The following STEAP4 variants were observed in gnomAD, a reference collection of about 807,000 sequenced individuals.
STEAP4 encodes the protein STEAP4 metalloreductase.
A neutral mutation model predicts 43.6 loss-of-function variants in STEAP4; 36 were observed. That is an observed-to-expected ratio of 0.83 (90% CI 0.63 to 1.09). The LOEUF (loss-of-function observed/expected upper bound fraction) is 1.09, where lower values mean the gene tolerates loss of function less well. STEAP4 is among the 50% of genes least tolerant of loss of function. The pLI is 0.00. For missense variants in STEAP4, 495 were observed against 546.5 expected (o/e 0.91, Z 0.94); for synonymous variants, 191 against 196.7 (o/e 0.97, Z 0.24).
chr7:88,298,278 CTTTTTAACTGAGTGAGAAT>C (rs1397266114), intron 1 of STEAP4: 1 of 151,830 alleles, frequency 6.6e-6, no homozygotes, highest in Non-Finnish European at 1.5e-5. Context: ...ATTTGTAGCT[CTTTTTAACTGAGTGAGAAT>C]TGGAGAATGT....
chr7:88,303,167 G>T (rs1853066079), intron 1 of STEAP4, among the ~76,000 whole-genome samples: 1 of 132,940 alleles, frequency 7.5e-6, no homozygotes. Flanking sequence ...TGTTAGGATT[G>T]ATCATATAAT....
rs1218093684 is a variant in STEAP4, at chr7:88,272,531, G to A, written c.*6867C>T. ...GGCCTACGTTTGAGCACTGTGCAAA[G>A]TGTGGTCTGCCCGTGGTGCTGGCTT... On this transcript the variant is annotated 3_prime_UTR_variant, in exon 5 of 5. Coordinates refer to ENST00000380079, the MANE Select transcript of STEAP4 (RefSeq NM_024636.4). 1 of 152,220 alleles carries A rather than the reference G, an allele frequency of 6.6e-6. No individual in the cohort carries two copies. Among genetic ancestry groups the A allele is most frequent in the African/African-American group, 2.4e-5 (1 of 41,448 alleles). The allele number at this position is 152,220 out of a possible 1,614,324, so 9.4% of individuals were successfully genotyped here.
chr7:88,292,619 A>G (rs1034314908), intron 1 of STEAP4: 2 of 152,094 alleles, frequency 1.3e-5, no homozygotes, highest in Non-Finnish European at 2.9e-5. Flanking sequence ...GTATATTTCC[A>G]TGTCATTTTA....
intron 1 of STEAP4, among the ~76,000 whole-genome samples, chr7:88,298,684 A>G (rs1852973872): frequency 6.6e-6 from 1 of 152,172 alleles, no homozygotes; most frequent in South Asian, 2.1e-4. Flanking sequence ...GTAGCATGAT[A>G]AATCATCAAC....
At chr7:88,304,842 A>C (rs1046650354) in intron 1 of STEAP4, among the ~76,000 whole-genome samples, 1 of 152,132 alleles carries the variant, frequency 6.6e-6, no homozygotes, top group African/African-American at 2.4e-5. Flanking sequence ...CTTTAAAAGG[A>C]GAATTTATAT....
chr7:88,295,054 G>A (rs2067575704), intron 1 of STEAP4, among the ~76,000 whole-genome samples: 1 of 152,064 alleles, frequency 6.6e-6, no homozygotes, highest in South Asian at 2.1e-4. Flanking sequence ...AATTTTGGAG[G>A]TAATCATTAT....
intron 1 of STEAP4, among the ~76,000 whole-genome samples, chr7:88,285,482 A>C (rs1852715570): frequency 6.6e-6 from 1 of 152,106 alleles, no homozygotes; most frequent in African/African-American, 2.4e-5. Flanking sequence ...AATTTTTATA[A>C]AGCTAAAATA....
At chr7:88,299,693 T>C (rs1281792773) in intron 1 of STEAP4, among the ~76,000 whole-genome samples, 1 of 152,266 alleles carries the variant, frequency 6.6e-6, no homozygotes. Context: ...GTAATTTCAA[T>C]TTTGAATTAA....
chr7:88,280,539 C>T (rs546720352), intron 4 of STEAP4, among the ~76,000 whole-genome samples: 6 of 152,252 alleles, frequency 3.9e-5, no homozygotes, highest in Middle Eastern at 3.4e-3. Flanking sequence ...TTAAGTCTTC[C>T]GGTGTGATGA....
At chr7:88,286,149 A>C (rs1852730509) in intron 1 of STEAP4, among the ~76,000 whole-genome samples, 1 of 152,236 alleles carries the variant, frequency 6.6e-6, no homozygotes, top group South Asian at 2.1e-4. Flanking sequence ...TGCAGATGAC[A>C]GAAATGTTTT....
chr7:88,280,768 A>G, intron 4 of STEAP4, 147 bp downstream of exon 4: 1 of 777,996 alleles, frequency 1.3e-6, no homozygotes, highest in South Asian at 2.2e-5. Flanking sequence ...GCAGTCAGGA[A>G]TCTTGGCGAG....
Position 88,271,013 on chromosome 7 carries a change from A to C in STEAP4, c.*8385T>G, listed in dbSNP as rs554154940. The C allele has an allele frequency of 6.6e-6, 1 of 152,158 alleles. No homozygotes were observed. The highest frequency in any genetic ancestry group is 1.5e-5 in the Non-Finnish European group (1 of 67,998). 9.4% of individuals were successfully genotyped at this position (152,158 alleles called of 1,614,324 possible). A position where few individuals can be genotyped will look rare whatever the true frequency, so the allele number is the denominator to read the frequency against. ...ATACAGTGATCAGATTAGGGTAATT[A>C]GTATATCCATCATCTTAAGCATTTA... On this transcript the variant is annotated 3_prime_UTR_variant, in exon 5 of 5. Transcript: ENST00000380079.
At chr7:88,283,305 AACATATGTAACAAG>A in intron 2 of STEAP4, 137 bp from the exon 3 acceptor site, 1 of 917,744 alleles carries the variant, frequency 1.1e-6, no homozygotes, top group East Asian at 2.8e-5. Context: ...ATGTAGAATT[AACATATGTAACAAG>A]ATGTTTTAAA....
intron 1 of STEAP4, among the ~76,000 whole-genome samples, chr7:88,293,156 A>G (rs1852866006): frequency 6.6e-6 from 1 of 152,152 alleles, no homozygotes; most frequent in Non-Finnish European, 1.5e-5. Flanking sequence ...TTTTTATTTT[A>G]GCCATTCTGA....
Position 88,294,439 on chromosome 7 carries a change from G to T in STEAP4, c.-2-10168C>A, listed in dbSNP as rs373283118. Among the ~76,000 whole-genome samples, 3 of 151,960 alleles carry T rather than the reference G, an allele frequency of 2.0e-5. No homozygotes were observed. The South Asian group carries it at 6.2e-4, about 31-fold the overall frequency. On this transcript the variant is annotated intron_variant, in intron 1 of 4. Coordinates refer to ENST00000380079, the MANE Select transcript of STEAP4 (RefSeq NM_024636.4). ...AAATCCAAAACATTTCTGGTCCCAA[G>T]CATTTCGGTTGTGGGATACTCAACC...
intron 1 of STEAP4, among the ~76,000 whole-genome samples, chr7:88,286,959 A>G (rs1453564795): frequency 2.0e-5 from 3 of 152,192 alleles, no homozygotes; most frequent in Non-Finnish European, 2.9e-5. Context: ...TAATGGGGCT[A>G]CAGCTACAGA....
At chr7:88,280,290 T>G (rs1432842974) in intron 4 of STEAP4, among the ~76,000 whole-genome samples, 1 of 152,222 alleles carries the variant, frequency 6.6e-6, no homozygotes, top group Non-Finnish European at 1.5e-5. Flanking sequence ...AGAATCATCT[T>G]GAAGGCTCAT....
intron 1 of STEAP4, among the ~76,000 whole-genome samples, chr7:88,298,883 A>T (rs1453506168): frequency 6.6e-6 from 1 of 152,138 alleles, no homozygotes; most frequent in Non-Finnish European, 1.5e-5. Context: ...TTTGCTGATT[A>T]TTTTTTATGC....
chr7:88,291,208 C>CT (rs1852827677), intron 1 of STEAP4, among the ~76,000 whole-genome samples: 1 of 151,962 alleles, frequency 6.6e-6, no homozygotes, highest in Non-Finnish European at 1.5e-5. Flanking sequence ...GAATCTCCTA[C>CT]TTGTCCCACT....
Sources: allele counts gnomAD v4.1 joint callset (sites outside exome capture counted in the v4.1 genomes callset), GRCh38; gene constraint gnomAD v4.1.1; transcripts MANE v1.5; gene names NCBI Gene and HGNC (gene_info 2026-07-23, HGNC 2026-07-21).